SMIM41: variants seen among roughly 807,000 people sequenced by gnomAD.
SMIM41 encodes the protein small integral membrane protein 41.
At position 52,079,951 on chromosome 12, in the gene SMIM41, C is replaced by T; in HGVS notation, c.172C>T (p.Leu58Phe). 1 of 385,308 alleles carries T rather than the reference C, an allele frequency of 2.6e-6. No individual in the cohort carries two copies. Among genetic ancestry groups the T allele is most frequent in the East Asian group, 3.8e-5 (1 of 26,638 alleles). The allele number at this position is 385,308 out of a possible 1,614,324, so 23.9% of individuals were successfully genotyped here. A position where few individuals can be genotyped will look rare whatever the true frequency, so the allele number is the denominator to read the frequency against. ...LCGVLFLGGG[L>F]LLRAQGLTAL... Reference sequence around the variant, plus strand: ...CGGGGTCCTGTTCCTGGGCGGCGGCCTCCTCCTCCGCGCCCAGGGCCTGAC... The same window carrying T: ...CGGGGTCCTGTTCCTGGGCGGCGGCTTCCTCCTCCGCGCCCAGGGCCTGAC... The change falls in exon 1 of 3, where the codon CTC becomes TTC. Residue 58 changes from leucine to phenylalanine, a missense_variant. Transcript: ENST00000546390.
At chr12:52,090,055 TGTTG>T (rs2120668085) in intron 2 of SMIM41, among the ~76,000 whole-genome samples, 1 of 142,224 alleles carries the variant, frequency 7.0e-6, no homozygotes, top group South Asian at 2.1e-4. Context: ...GCCAAGAAGG[TGTTG>T]TTTGTTTGTT....
intron 2 of SMIM41, among the ~76,000 whole-genome samples, chr12:52,107,041 A>G (rs1375494651): frequency 1.3e-5 from 2 of 152,230 alleles, no homozygotes; most frequent in Non-Finnish European, 2.9e-5. Context: ...TTTTCTAGCA[A>G]TTATGAATTT....
At chr12:52,106,267 T>C (rs892103193) in intron 2 of SMIM41, among the ~76,000 whole-genome samples, 2 of 152,242 alleles carry the variant, frequency 1.3e-5, no homozygotes, top group African/African-American at 4.8e-5. Context: ...AACATCTATG[T>C]GAATTATTGA....
intron 2 of SMIM41, among the ~76,000 whole-genome samples, chr12:52,089,411 A>T (rs553486009): frequency 1.3e-5 from 2 of 152,126 alleles, no homozygotes; most frequent in South Asian, 4.1e-4. Flanking sequence ...CCTGGGCAAC[A>T]CAGTGAGACC....
At chr12:52,087,080 C>T (rs1939904796) in intron 2 of SMIM41, among the ~76,000 whole-genome samples, 1 of 152,216 alleles carries the variant, frequency 6.6e-6, no homozygotes, top group Non-Finnish European at 1.5e-5. Context: ...TGCAAGCCTT[C>T]CCTGCTCTTT....
chr12:52,104,578 GAA>G (rs918813365), intron 2 of SMIM41, among the ~76,000 whole-genome samples: 1,119 of 140,538 alleles, frequency 8.0e-3, no homozygotes, highest in African/African-American at 0.025. Flanking sequence ...TCATCCTCAG[GAA>G]AAAAACAGGA....
At chr12:52,086,344 G>C (rs1939891962) in intron 2 of SMIM41, among the ~76,000 whole-genome samples, 1 of 150,302 alleles carries the variant, frequency 6.7e-6, no homozygotes, top group Admixed American at 6.9e-5. Flanking sequence ...GCTCCACACA[G>C]AGGAAGATGG....
chr12:52,106,319 G>A (rs1021962911), intron 2 of SMIM41, among the ~76,000 whole-genome samples: 5 of 152,132 alleles, frequency 3.3e-5, no homozygotes, highest in African/African-American at 1.2e-4. Context: ...TGTCATCAGT[G>A]TGACTTCGAC....
rs141049357 is a variant in SMIM41 at position 52,084,251 on chromosome 12, A to G, written c.*195+283A>G. On this transcript the variant is annotated intron_variant, in intron 2 of 2. Coordinates refer to ENST00000546390, the MANE Select transcript of SMIM41 (RefSeq NM_001369216.1). ...TAGCTGGATGTGGCGGTGCATGCCTATAATGGGGAGAATTGCTTGAATCCA... is the reference window on the plus strand; with the variant it reads ...TAGCTGGATGTGGCGGTGCATGCCTGTAATGGGGAGAATTGCTTGAATCCA... 2.4e-4 allele frequency among the ~76,000 whole-genome samples: 37 copies of G among 152,014 alleles called. No individual in the cohort carries two copies. In the East Asian group the frequency reaches 6.6e-3, roughly 27 times the overall value.
At chr12:52,085,732 A>T (rs562039603) in intron 2 of SMIM41, among the ~76,000 whole-genome samples, 3 of 152,186 alleles carry the variant, frequency 2.0e-5, no homozygotes, top group African/African-American at 7.2e-5. Context: ...AACATGCTGT[A>T]CTTGGGTTGG....
chr12:52,096,722 G>A (rs7303827), intron 2 of SMIM41, among the ~76,000 whole-genome samples: 15,963 of 151,378 alleles, frequency 0.11, 2,724 homozygotes, highest in African/African-American at 0.36. Context: ...ATTATTATCG[G>A]TAGTGATTTT....
chr12:52,091,232 C>T (rs1415310038), intron 2 of SMIM41, among the ~76,000 whole-genome samples: 1 of 152,152 alleles, frequency 6.6e-6, no homozygotes, highest in Non-Finnish European at 1.5e-5. Context: ...GTCCCCTCTG[C>T]GTTCCCATCA....
intron 2 of SMIM41, chr12:52,092,551 T>G (rs972413522): frequency 2.0e-5 from 3 of 152,230 alleles, no homozygotes; most frequent in Non-Finnish European, 4.4e-5. Context: ...AATATTAGGA[T>G]GAATCTAAAA....
intron 2 of SMIM41, among the ~76,000 whole-genome samples, chr12:52,096,179 T>TC (rs1360314849): frequency 3.9e-5 from 6 of 151,956 alleles, no homozygotes; most frequent in Non-Finnish European, 7.4e-5. Flanking sequence ...TATCACCCTC[T>TC]CCCCCTCCGG....
chr12:52,107,499 A>G lies in SMIM41; in HGVS notation c.*316A>G. 1 of 835,574 alleles carries G rather than the reference A, an allele frequency of 1.2e-6. No homozygotes were observed. Among genetic ancestry groups the G allele is most frequent in the Non-Finnish European group, 2.0e-6 (1 of 508,032 alleles). The allele number at this position is 835,574 out of a possible 1,614,324, so 51.8% of individuals were successfully genotyped here. ...CATGAGCCCTGACTCCCACCTCCAC[A>G]CCTCCATGTACTTCTTCCTCTCCAA... On this transcript the variant is annotated 3_prime_UTR_variant, in exon 3 of 3. Coordinates refer to ENST00000546390, the MANE Select transcript of SMIM41 (RefSeq NM_001369216.1).
chr12:52,080,923 C>T (rs1384184525), intron 1 of SMIM41, among the ~76,000 whole-genome samples: 1 of 151,820 alleles, frequency 6.6e-6, no homozygotes, highest in African/African-American at 2.4e-5. Flanking sequence ...GAGCAAGGAG[C>T]TTTGTGTGGT....
At chr12:52,107,107 A>C (rs1181628908) in intron 2 of SMIM41, among the ~76,000 whole-genome samples, 1 of 152,248 alleles carries the variant, frequency 6.6e-6, no homozygotes, top group Non-Finnish European at 1.5e-5. Context: ...TCTCTAAGGC[A>C]GGTATGTACA....
At chr12:52,103,576 T>C (rs1408545123) in intron 2 of SMIM41, among the ~76,000 whole-genome samples, 2 of 151,798 alleles carry the variant, frequency 1.3e-5, no homozygotes, top group Non-Finnish European at 2.9e-5. Context: ...CTGGCCAATA[T>C]GGTGAAAGCT....
In SMIM41 at chr12:52,097,251, C is replaced by T. The variant is rs1028544518; in HGVS notation, c.*196-10128C>T. On this transcript the variant is annotated intron_variant, in intron 2 of 2. Transcript: ENST00000546390. ...TCCCGACCTGTGATAGGCTCCGCCA[C>T]GATGCGGGGAGTACTATCACCCCCC... Among the ~76,000 whole-genome samples the T allele has an allele frequency of 7.9e-5, 12 of 152,134 alleles. No individual in the cohort carries two copies. In the South Asian group the frequency reaches 2.3e-3, roughly 29 times the overall value.
Sources: gnomAD v4.1 joint callset for allele counts (sites outside exome capture counted in the v4.1 genomes callset) on GRCh38, gnomAD v4.1.1 for gene constraint, MANE v1.5 for transcripts, NCBI Gene and HGNC (gene_info 2026-07-23, HGNC 2026-07-21) for gene names.